Variants in SRPX observed in about 807,000 individuals in gnomAD.
SRPX encodes sushi repeat-containing protein SRPX.
Under a neutral mutation model 38.1 loss-of-function variants are expected in SRPX, and 24 were observed. That is an observed-to-expected ratio of 0.63 (90% CI 0.46 to 0.89). The LOEUF (loss-of-function observed/expected upper bound fraction) is 0.89, where lower values mean the gene tolerates loss of function less well. SRPX is among the 40% of genes least tolerant of loss of function. The pLI is 0.00. For synonymous variants in SRPX, 184 were observed against 153.8 expected, an observed-to-expected ratio of 1.20 and a Z score of -1.45; for missense variants, 416 against 377.8, an observed-to-expected ratio of 1.10 and a Z score of -0.84.
intron 1 of SRPX, among the ~76,000 whole-genome samples, chrX:38,184,428 T>C (rs1215992489): frequency 8.9e-6 from 1 of 111,806 alleles, no homozygotes; most frequent in Non-Finnish European, 1.9e-5. Flanking sequence ...TAATAGTAAA[T>C]TGCACCATCA....
Position 38,149,726 on chromosome X carries a change from C to T in SRPX, c.1380G>A (p.Gln460=). 2.5e-6 allele frequency: 3 copies of T among 1,210,257 alleles called. No individual in the cohort carries two copies. Among genetic ancestry groups the T allele is most frequent in the Non-Finnish European group, 3.4e-6 (3 of 894,815 alleles). ...EEMVLQAEMS[Q]TCNT Reference sequence around the variant, plus strand: ...AACCATCATGTCAGGTGTTACAGGTCTGGCTCATTTCGGCTTGTAGGACCA... The same window carrying T: ...AACCATCATGTCAGGTGTTACAGGTTTGGCTCATTTCGGCTTGTAGGACCA... The change falls in exon 10 of 10, where the codon CAG becomes CAA. Residue 460 remains glutamine, a synonymous_variant. Coordinates refer to ENST00000378533, the MANE Select transcript of SRPX (RefSeq NM_006307.5).
chrX:38,173,528 C>T (rs1343220765), intron 3 of SRPX, among the ~76,000 whole-genome samples: 1 of 110,988 alleles, frequency 9.0e-6, no homozygotes, highest in Non-Finnish European at 1.9e-5. Context: ...CGGCTCACTA[C>T]AACCTCCGCC....
chrX:38,168,851 C>T (rs1439828991), intron 4 of SRPX, among the ~76,000 whole-genome samples: 1 of 112,034 alleles, frequency 8.9e-6, no homozygotes, highest in African/African-American at 3.2e-5. Flanking sequence ...ATGAAATCCA[C>T]ATTTAAAAGT....
At chrX:38,162,134 A>G (rs1938275710) in intron 5 of SRPX, among the ~76,000 whole-genome samples, 2 of 112,291 alleles carry the variant, frequency 1.8e-5, no homozygotes, top group Non-Finnish European at 3.8e-5. Context: ...GAGAGGAGTG[A>G]TACTTCAAAT....
chrX:38,220,620 C>A (rs1252372269), intron 1 of SRPX, 76 bp downstream of exon 1: 9 of 1,145,910 alleles, frequency 7.9e-6, no homozygotes, highest in Non-Finnish European at 1.0e-5. Context: ...CCCTCTATCC[C>A]GAGCGAAGGG....
chrX:38,163,028 G>C (rs1004450875), intron 5 of SRPX, among the ~76,000 whole-genome samples: 1 of 112,234 alleles, frequency 8.9e-6, no homozygotes. Context: ...GCCAGACATT[G>C]TGCTAGACCC....
intron 1 of SRPX, among the ~76,000 whole-genome samples, chrX:38,218,871 C>T (rs769816563): frequency 5.4e-5 from 6 of 111,507 alleles, no homozygotes; most frequent in South Asian, 3.8e-4. Flanking sequence ...CCCAAGAGAC[C>T]CCATTGAGCC....
At chrX:38,211,439 C>T (rs1472690895) in intron 1 of SRPX, among the ~76,000 whole-genome samples, 2 of 111,948 alleles carry the variant, frequency 1.8e-5, no homozygotes, top group East Asian at 5.6e-4. Context: ...CGGTGGCTCA[C>T]GCCTGTAATC....
intron 4 of SRPX, 86 bp downstream of exon 4, chrX:38,171,795 G>C: frequency 1.0e-5 from 10 of 997,919 alleles, no homozygotes; most frequent in Non-Finnish European, 1.4e-5. Flanking sequence ...AGGAGGAATA[G>C]TGATGCTCCC....
intron 3 of SRPX, among the ~76,000 whole-genome samples, chrX:38,172,900 G>A (rs192692159): frequency 0.035 from 3,931 of 112,505 alleles, 170 homozygotes; most frequent in African/African-American, 0.12. Context: ...GAGTGAGAGA[G>A]AGAGAGAGCG....
intron 2 of SRPX, among the ~76,000 whole-genome samples, chrX:38,174,753 T>G (rs4609327): frequency 0.2 from 22,252 of 111,375 alleles, 1,985 homozygotes; most frequent in South Asian, 0.34. Flanking sequence ...GATTTTTTAT[T>G]TTTATTTTTT....
rs1939511949 is a variant in SRPX at position 38,220,849 on chromosome X, G to A, written c.-57C>T. 9.4e-7 allele frequency: 1 copy of A among 1,059,671 alleles called. No homozygotes were observed. Among genetic ancestry groups the A allele is most frequent in the Admixed American group, 4.3e-5 (1 of 23,022 alleles). The allele number at this position is 1,059,671 out of a possible 1,213,427, so 87.3% of individuals were successfully genotyped here. The stretch of plus-strand genomic sequence containing the variant: ...GCAGCGCGCTTCCCGGGGGCGGCAG[G>A]AGACCGAAGAGACCAAGGGACTGCG... On this transcript the variant is annotated 5_prime_UTR_variant, in exon 1 of 10. Transcript: ENST00000378533.
chrX:38,149,367 T>G lies in SRPX; in HGVS notation c.*344A>C, dbSNP rs1260435442. On this transcript the variant is annotated 3_prime_UTR_variant, in exon 10 of 10. Transcript: ENST00000378533. ...GCTCCAAAACATTTTGTTTTATTAATAAAAGTCTTACTTAAAAAACAAAAT... is the reference window on the plus strand; with the variant it reads ...GCTCCAAAACATTTTGTTTTATTAAGAAAAGTCTTACTTAAAAAACAAAAT... 7.3e-6 allele frequency: 1 copy of G among 136,953 alleles called. No individual in the cohort carries two copies. The highest frequency in any genetic ancestry group is 3.1e-5 in the African/African-American group (1 of 32,045). 11.3% of individuals were successfully genotyped at this position (136,953 alleles called of 1,213,427 possible). A position where few individuals can be genotyped will look rare whatever the true frequency, so the allele number is the denominator to read the frequency against.
intron 9 of SRPX, among the ~76,000 whole-genome samples, chrX:38,152,310 T>C (rs1359642386): frequency 8.9e-6 from 1 of 112,412 alleles, no homozygotes; most frequent in East Asian, 2.8e-4. Context: ...ATCATTTCTG[T>C]ATGACATTTA....
chrX:38,156,829 A>G, intron 8 of SRPX, 67 bp downstream of exon 8: 1 of 1,140,912 alleles, frequency 8.8e-7, no homozygotes, highest in South Asian at 2.1e-5. Context: ...CTTTGCTTTT[A>G]GTGAAATGGC....
chrX:38,208,272 C>G (rs931195306), intron 1 of SRPX, among the ~76,000 whole-genome samples: 1 of 111,784 alleles, frequency 8.9e-6, no homozygotes, highest in African/African-American at 3.3e-5. Flanking sequence ...CAACCCAGAT[C>G]AAGATACAGA....
chrX:38,203,515 A>AGTG (rs1939153021), intron 1 of SRPX, among the ~76,000 whole-genome samples: 1 of 113,030 alleles, frequency 8.8e-6, no homozygotes, highest in African/African-American at 3.2e-5. Flanking sequence ...CCGGTAGCTC[A>AGTG]CGCCTGTAAT....
intron 1 of SRPX, among the ~76,000 whole-genome samples, chrX:38,201,411 A>C (rs1230221771): frequency 8.9e-6 from 1 of 111,976 alleles, no homozygotes; most frequent in Admixed American, 9.4e-5. Context: ...CAATATTCCA[A>C]TTCTGGGTAA....
chrX:38,160,177 G>C lies in SRPX; in HGVS notation c.795C>G (p.Leu265=). ...VKVRVKRCGK[L]NAPENGYMKC... ...TCATGTAACCATTCTCTGGGGCATT[G>C]AGTTTGCCACAGCGTTTGACTGTAG... Residue 265 remains leucine (L), a synonymous_variant, in exon 7 of 10, where the codon CTC becomes CTG. Coordinates refer to ENST00000378533, the MANE Select transcript of SRPX (RefSeq NM_006307.5). The C allele has an allele frequency of 8.3e-7, 1 of 1,211,918 alleles. No homozygotes were observed. Among genetic ancestry groups the C allele is most frequent in the Non-Finnish European group, 1.1e-6 (1 of 895,475 alleles).
Sources: gnomAD v4.1 joint callset for allele counts (sites outside exome capture counted in the v4.1 genomes callset) on GRCh38, gnomAD v4.1.1 for gene constraint, MANE v1.5 for transcripts, NCBI Gene and HGNC (gene_info 2026-07-23, HGNC 2026-07-21) for gene names.